The following PRRC2B variants were observed in gnomAD, a reference collection of about 807,000 sequenced individuals.
PRRC2B encodes protein PRRC2B.
In PRRC2B, 68 loss-of-function variants were observed where a neutral mutation model predicts 242.3. The observed-to-expected ratio is 0.28, with a 90% CI of 0.23 to 0.34. The LOEUF (loss-of-function observed/expected upper bound fraction) is 0.34. Among genes scored for constraint, PRRC2B ranks in the 10% least tolerant of loss-of-function variants. The pLI is 1.00. For missense variants in PRRC2B, 2,835 were observed against 2,954.8 expected (o/e 0.96, Z 0.94); for synonymous variants, 1,228 against 1,173.6 (o/e 1.05, Z -0.95).
chr9:131,492,152 C>T lies in PRRC2B; in HGVS notation c.6382-17C>T. ...CAGGGCCTCAAATGACAGCTTGTTC[C>T]TGCTTGGTCTCTCTAGCCCTCTCAG... On this transcript the variant is annotated splice_polypyrimidine_tract_variant and intron_variant, in intron 29 of 31. Coordinates refer to ENST00000683519, the MANE Select transcript of PRRC2B (RefSeq NM_013318.4). The T allele has an allele frequency of 6.2e-7, 1 of 1,604,544 alleles. No individual in the cohort carries two copies. The highest frequency in any genetic ancestry group is 1.3e-5 in the African/African-American group (1 of 74,844).
chr9:131,463,628 C>CTTTTTTTTT (rs374951504), intron 11 of PRRC2B, among the ~76,000 whole-genome samples: 2 of 125,778 alleles, frequency 1.6e-5, no homozygotes, highest in African/African-American at 3.0e-5. Flanking sequence ...TTTAGGCATG[C>CTTTTTTTTT]TTTTTTTTTT....
rs989832455 is a variant in PRRC2B, at chr9:131,439,022, T to C, written c.430T>C (p.Trp144Arg). 6.2e-7 allele frequency: 1 copy of C among 1,613,632 alleles called. No homozygotes were observed. Among genetic ancestry groups the C allele is most frequent in the African/African-American group, 1.3e-5 (1 of 74,920 alleles). The change falls in exon 5 of 32, where the codon TGG becomes CGG. Residue 144 changes from tryptophan (W) to arginine (R), a missense_variant. Physicochemically the swap from Trp to Arg is moderately radical, Grantham distance 101 (BLOSUM62 -3). Transcript: ENST00000683519. ...TNSVPGGPKS[W>R]AQLNGKPVGH... The stretch of plus-strand genomic sequence containing the variant: ...TTCAGTGCCAGGTGGACCAAAGTCA[T>C]GGGCACAGCTGAATGGAAAGCCAGT...
intron 15 of PRRC2B, 71 bp from the exon 16 acceptor site, chr9:131,474,383 C>A: frequency 1.6e-6 from 2 of 1,286,932 alleles, no homozygotes; most frequent in East Asian, 2.3e-5. Flanking sequence ...TAAAACTAAG[C>A]TCTGTGTTCA....
At chr9:131,391,809 T>G (rs541715439), upstream of PRRC2B, among the ~76,000 whole-genome samples, 1 of 151,318 alleles carries the variant, frequency 6.6e-6, no homozygotes, top group South Asian at 2.1e-4. Context: ...GGCGTGCTCT[T>G]GGCTCACTGC....
In PRRC2B at chr9:131,475,303, T is replaced by C; in HGVS notation, c.3174T>C (p.Phe1058=). The C allele has an allele frequency of 6.2e-7, 1 of 1,607,626 alleles. No individual in the cohort carries two copies. The highest frequency in any genetic ancestry group is 8.5e-7 in the Non-Finnish European group (1 of 1,177,484). Reference sequence around the variant, plus strand: ...TCTTTATTGATGAGGAGCAAGCCTTTGGGGTCAGAGGACAGGCCCGGGGCC... The same window carrying C: ...TCTTTATTGATGAGGAGCAAGCCTTCGGGGTCAGAGGACAGGCCCGGGGCC... ...NWIFIDEEQA[F]GVRGQARGRG... Residue 1058 remains phenylalanine, a synonymous_variant, in exon 16 of 32, where the codon TTT becomes TTC. Coordinates refer to ENST00000683519, the MANE Select transcript of PRRC2B (RefSeq NM_013318.4).
In PRRC2B at chr9:131,494,318, CT is replaced by C. The variant is rs1296103130; in HGVS notation, c.6474-85del. 11 of 719,798 alleles carry C rather than the reference CT, an allele frequency of 1.5e-5. No individual in the cohort carries two copies. Among genetic ancestry groups the C allele is most frequent in the Non-Finnish European group, 2.6e-5 (11 of 418,170 alleles). 44.6% of individuals were successfully genotyped at this position (719,798 alleles called of 1,614,324 possible). A position where few individuals can be genotyped will look rare whatever the true frequency, so the allele number is the denominator to read the frequency against. On this transcript the variant is annotated intron_variant, in intron 30 of 31. Coordinates refer to ENST00000683519, the MANE Select transcript of PRRC2B (RefSeq NM_013318.4). The surrounding 1 kb of genome is among the most constrained non-coding windows in gnomAD (Gnocchi z 4.3). ...GCCTCTGGCCGCAGGCCCTTCCTTC[CT>C]TGTGCCTCCTCCATGTGCTAGGCTT...
intron 28 of PRRC2B, among the ~76,000 whole-genome samples, chr9:131,489,626 G>C (rs1020588639): frequency 6.6e-6 from 1 of 151,842 alleles, no homozygotes; most frequent in African/African-American, 2.4e-5. Context: ...TTTCAGACTT[G>C]CATCTTGCCC....
intron 1 of PRRC2B, among the ~76,000 whole-genome samples, chr9:131,402,933 C>G (rs369442159): frequency 6.6e-6 from 1 of 152,178 alleles, no homozygotes; most frequent in Non-Finnish European, 1.5e-5. Context: ...AATGACTGTG[C>G]CTCCGGGAAG....
intron 1 of PRRC2B, among the ~76,000 whole-genome samples, chr9:131,379,927 CT>C (rs35435906): frequency 1.1e-4 from 16 of 143,778 alleles, no homozygotes; most frequent in East Asian, 4.1e-4. Flanking sequence ...CCCAGCCAGC[CT>C]TTTTTTTTTC....
At chr9:131,376,084 C>T (rs1397108192) in intron 1 of PRRC2B, among the ~76,000 whole-genome samples, 2 of 149,020 alleles carry the variant, frequency 1.3e-5, no homozygotes, top group African/African-American at 2.5e-5. Flanking sequence ...CATGGTGGCT[C>T]ACGTCTGTAA....
chr9:131,474,715 T>C lies in PRRC2B; in HGVS notation c.2586T>C (p.Asp862=), dbSNP rs202137905. The C allele has an allele frequency of 6.2e-7, 1 of 1,612,012 alleles. No homozygotes were observed. The highest frequency in any genetic ancestry group is 8.5e-7 in the Non-Finnish European group (1 of 1,179,034). The change falls in exon 16 of 32, where the codon GAT becomes GAC. Residue 862 remains aspartate (D), a synonymous_variant. Transcript: ENST00000683519. ...CSPLEPDFVP[D]EKKPECGSWD... is the part of the protein sequence containing the mutation. ...CATTGGAGCCTGACTTTGTCCCAGA[T>C]GAGAAAAAGCCAGAGTGTGGCAGTT...
At chr9:131,426,049 T>A (rs1222823795) in intron 1 of PRRC2B, among the ~76,000 whole-genome samples, 1 of 151,362 alleles carries the variant, frequency 6.6e-6, no homozygotes, top group South Asian at 2.1e-4. Flanking sequence ...AAGAAATCAT[T>A]CGATGTTGCC....
intron 1 of PRRC2B, among the ~76,000 whole-genome samples, chr9:131,400,255 T>G (rs926863186): frequency 6.6e-6 from 1 of 152,038 alleles, no homozygotes; most frequent in Non-Finnish European, 1.5e-5. Context: ...CTGACTAAGT[T>G]TTGTATTTTT....
intron 9 of PRRC2B, 51 bp downstream of exon 9, chr9:131,447,855 G>A (rs931411723): frequency 1.3e-6 from 2 of 1,543,742 alleles, no homozygotes; most frequent in East Asian, 4.6e-5. Context: ...AAGTCCATAT[G>A]TACTTACCAG....
Position 131,495,936 on chromosome 9 carries a change from A to G in PRRC2B, c.*62A>G. On this transcript the variant is annotated 3_prime_UTR_variant, in exon 32 of 32. Coordinates refer to ENST00000683519, the MANE Select transcript of PRRC2B (RefSeq NM_013318.4). ...GACGGTGCCGCCATGCGGCCTCGAC[A>G]CAGCCGACACTCGGGAGCCTCACCA... The G allele has an allele frequency of 6.4e-7, 1 of 1,571,674 alleles. No individual in the cohort carries two copies. Among genetic ancestry groups the G allele is most frequent in the Admixed American group, 1.7e-5 (1 of 59,118 alleles).
chr9:131,374,679 A>G (rs1472546477), intron 1 of PRRC2B, among the ~76,000 whole-genome samples: 4 of 152,010 alleles, frequency 2.6e-5, no homozygotes, highest in Non-Finnish European at 5.9e-5. Context: ...GGCATGCACC[A>G]CCACGTCCAG....
chr9:131,407,870 G>A (rs1391983536), intron 1 of PRRC2B, among the ~76,000 whole-genome samples: 1 of 152,148 alleles, frequency 6.6e-6, no homozygotes, highest in African/African-American at 2.4e-5. Context: ...TGCAAATAGG[G>A]GGTGATAGTA....
intron 1 of PRRC2B, among the ~76,000 whole-genome samples, chr9:131,415,828 T>A (rs556368513): frequency 1.2e-4 from 19 of 152,268 alleles, no homozygotes; most frequent in African/African-American, 4.6e-4. Context: ...ACATTGTACT[T>A]TGTGTTCTTT....
chr9:131,447,000 A>G lies in PRRC2B; in HGVS notation c.856-85A>G, dbSNP rs1172335030. 1 of 1,551,018 alleles carries G rather than the reference A, an allele frequency of 6.4e-7. No individual in the cohort carries two copies. On this transcript the variant is annotated intron_variant, in intron 7 of 31. Transcript: ENST00000683519. This position sits in a 1 kb window ranked among gnomAD's most constrained non-coding sequence, Gnocchi z 4.1. ...TTCCTGTTTCTTTTTCCCATTTTCC[A>G]CTTTATAAAACACATTCTGATTTAA...
Sources: allele counts gnomAD v4.1 joint callset (sites outside exome capture counted in the v4.1 genomes callset), GRCh38; gene constraint gnomAD v4.1.1; non-coding constraint Gnocchi (gnomAD v3.1); transcripts MANE v1.5; gene names NCBI Gene and HGNC (gene_info 2026-07-23, HGNC 2026-07-21).